The following CDR2 variants were observed in gnomAD, a reference collection of about 807,000 sequenced individuals.
CDR2 encodes the protein cerebellar degeneration related protein 2, also known as cerebellar degeneration-related protein 2.
In CDR2, 34 loss-of-function variants were observed where a neutral mutation model predicts 48.4. The ratio of observed to expected loss-of-function variants is 0.70; its 90% CI spans 0.53 to 0.94. The LOEUF is 0.94. Among genes scored for constraint, CDR2 ranks in the 40% least tolerant of loss-of-function variants. CDR2 has a pLI of 0.00. For synonymous variants in CDR2, 240 were observed against 219.7 expected (o/e 1.09, Z -0.82); for missense variants, 498 against 549.5 (o/e 0.91, Z 0.94).
rs1397509407 is a variant in CDR2, at chr16:22,347,151, G to T, written c.1179C>A (p.Asn393Lys). 4 of 1,614,174 alleles carry T rather than the reference G, an allele frequency of 2.5e-6. No individual in the cohort carries two copies. The highest frequency in any genetic ancestry group is 1.7e-5 in the Admixed American group (1 of 60,032). Residue 393 changes from asparagine to lysine, a missense_variant, in exon 5 of 5, where the codon AAC becomes AAA. Transcript: ENST00000268383. ...RAAAKDLTGV[N>K]AQSEPVASGW... ...CGCTGGCAACAGGCTCAGACTGGGC[G>T]TTCACTCCAGTCAGGTCCTTGGCTG...
At position 22,347,038 on chromosome 16, in the gene CDR2, C is replaced by G. The variant is rs1250563028; in HGVS notation, c.1292G>C (p.Ser431Thr). 4 of 1,614,186 alleles carry G rather than the reference C, an allele frequency of 2.5e-6. No homozygotes were observed. In the East Asian group the frequency reaches 8.9e-5, roughly 36 times the overall value. ...EYKALFKEIF[S>T]CIKKTKQEID... ...TTCCTGCTTAGTTTTCTTGATGCAA[C>G]TAAAGATCTCCTTAAACAACGCTTT... The change falls in exon 5 of 5, where the codon AGT becomes ACT. Residue 431 changes from serine (S) to threonine (T), a missense_variant. Ser to Thr is a moderately conservative substitution (Grantham distance 58). Coordinates refer to ENST00000268383, the MANE Select transcript of CDR2 (RefSeq NM_001802.2).
intron 2 of CDR2, among the ~76,000 whole-genome samples, chr16:22,354,443 G>GGTTA (rs1342217410): frequency 6.6e-6 from 1 of 152,126 alleles, no homozygotes; most frequent in Non-Finnish European, 1.5e-5. Flanking sequence ...TCATCATAAC[G>GGTTA]CTTCACTTTG....
At chr16:22,366,934 CTAAAGGA>C (rs2049048075) in intron 1 of CDR2, 1 of 152,204 alleles carries the variant, frequency 6.6e-6, no homozygotes, top group East Asian at 1.9e-4. Flanking sequence ...GAAAGTAAAG[CTAAAGGA>C]TTTGTTGACC....
chr16:22,347,700 G>A lies in CDR2; in HGVS notation c.630C>T (p.Ser210=), dbSNP rs1567343157. ...KTVTMLQAQL[S]LERQKRVTME... Reference sequence around the variant, plus strand: ...TAGTCACCCGCTTCTGCCGCTCCAGGCTCAGCTGGGCCTGCAACATTGTCA... The same window carrying A: ...TAGTCACCCGCTTCTGCCGCTCCAGACTCAGCTGGGCCTGCAACATTGTCA... Residue 210 remains serine (S), a synonymous_variant, in exon 5 of 5, where the codon AGC becomes AGT. Transcript: ENST00000268383. 6.2e-7 allele frequency: 1 copy of A among 1,613,644 alleles called. No homozygotes were observed. Among genetic ancestry groups the A allele is most frequent in the Admixed American group, 1.7e-5 (1 of 59,860 alleles).
At position 22,374,578 on chromosome 16, in the gene CDR2, A is replaced by C. The variant is rs2049106517; in HGVS notation, c.-269T>G. 5.5e-6 allele frequency: 1 copy of C among 181,124 alleles called. No individual in the cohort carries two copies. Among genetic ancestry groups the C allele is most frequent in the Non-Finnish European group, 1.1e-5 (1 of 87,736 alleles). The allele number at this position is 181,124 out of a possible 1,614,324, so 11.2% of individuals were successfully genotyped here. ...GGAGCCGGAGTCTCACGCAGCCGCC[A>C]GTCTTCACGCCGCCGCCGGGCCCAA... On this transcript the variant is annotated 5_prime_UTR_variant, in exon 1 of 5. Coordinates refer to ENST00000268383, the MANE Select transcript of CDR2 (RefSeq NM_001802.2).
At chr16:22,355,086 C>CTCA (rs1462140526) in intron 2 of CDR2, among the ~76,000 whole-genome samples, 1 of 152,194 alleles carries the variant, frequency 6.6e-6, no homozygotes, top group Non-Finnish European at 1.5e-5. Context: ...TCCAAGGCAT[C>CTCA]TCAAGTATAC....
At chr16:22,369,255 G>A (rs2049061109) in intron 1 of CDR2, among the ~76,000 whole-genome samples, 2 of 150,240 alleles carry the variant, frequency 1.3e-5, no homozygotes, top group Non-Finnish European at 1.5e-5. Flanking sequence ...AGACCAGCAT[G>A]GGCAACATAG....
chr16:22,371,148 T>C (rs1041041618), intron 1 of CDR2, among the ~76,000 whole-genome samples: 39 of 151,864 alleles, frequency 2.6e-4, no homozygotes, highest in South Asian at 6.2e-4. Flanking sequence ...GAGGCGGAGA[T>C]TGCAGTGAGC....
intron 2 of CDR2, among the ~76,000 whole-genome samples, chr16:22,357,748 A>G (rs2048984800): frequency 1.3e-5 from 2 of 152,236 alleles, no homozygotes; most frequent in South Asian, 4.1e-4. Context: ...GTTGTGGCCA[A>G]CATACAGGAA....
At chr16:22,365,480 A>G (rs2049039253) in intron 1 of CDR2, among the ~76,000 whole-genome samples, 1 of 152,222 alleles carries the variant, frequency 6.6e-6, no homozygotes, top group African/African-American at 2.4e-5. Context: ...TAAGGGGACT[A>G]AAATTTATTA....
At chr16:22,352,211 C>T (rs1476729166) in intron 2 of CDR2, among the ~76,000 whole-genome samples, 1 of 152,170 alleles carries the variant, frequency 6.6e-6, no homozygotes, top group Non-Finnish European at 1.5e-5. Context: ...GAGATCGTGC[C>T]ACTGCACTAC....
intron 2 of CDR2, among the ~76,000 whole-genome samples, chr16:22,358,005 C>T (rs1213723353): frequency 1.3e-5 from 2 of 152,198 alleles, no homozygotes; most frequent in Non-Finnish European, 2.9e-5. Flanking sequence ...AAGCCCTTCA[C>T]TTCTCCAAGA....
In CDR2 at chr16:22,349,437, A is replaced by G; in HGVS notation, c.348T>C (p.Thr116=). The stretch of plus-strand genomic sequence containing the variant: ...TGGTTTGCAGGCATTCAATCGTTTC[A>G]GTCAGGCTGTGAGGAACAGACAGAA... ...KASQQKILSL[T]ETIECLQTNI... is the part of the protein sequence containing the mutation. Residue 116 remains threonine (T), a synonymous_variant, in exon 4 of 5, where the codon ACT becomes ACC. Transcript: ENST00000268383. 6.2e-7 allele frequency: 1 copy of G among 1,614,168 alleles called. No individual in the cohort carries two copies.
At chr16:22,361,393 C>CA (rs2049009689) in intron 2 of CDR2, among the ~76,000 whole-genome samples, 1 of 152,152 alleles carries the variant, frequency 6.6e-6, no homozygotes, top group Admixed American at 6.5e-5. Flanking sequence ...CTGAAGGTTG[C>CA]AATAAGAGGA....
At chr16:22,356,152 A>G (rs902269728) in intron 2 of CDR2, among the ~76,000 whole-genome samples, 4 of 152,154 alleles carry the variant, frequency 2.6e-5, no homozygotes, top group Admixed American at 6.5e-5. Flanking sequence ...ACTTTTTTCA[A>G]TATTTGACAG....
chr16:22,346,839 A>T lies in CDR2; in HGVS notation c.*126T>A. On this transcript the variant is annotated 3_prime_UTR_variant, in exon 5 of 5. Transcript: ENST00000268383. Reference sequence around the variant, plus strand: ...CCTTTCCTCGTTGTATGCATTTGCTAAATAAGCAAAGCAATGAGGCAAACG... The same window carrying T: ...CCTTTCCTCGTTGTATGCATTTGCTTAATAAGCAAAGCAATGAGGCAAACG... 1 of 1,048,516 alleles carries T rather than the reference A, an allele frequency of 9.5e-7. No homozygotes were observed. Among genetic ancestry groups the T allele is most frequent in the Middle Eastern group, 3.2e-4 (1 of 3,148 alleles). The allele number at this position is 1,048,516 out of a possible 1,614,324, so 65.0% of individuals were successfully genotyped here.
rs1598289623 is a variant in CDR2 at position 22,347,674 on chromosome 16, A to G, written c.656T>C (p.Met219Thr). ...TAACACGAGCCCATATTCCTCCTCCATAGTCACCCGCTTCTGCCGCTCCAG... is the reference window on the plus strand; with the variant it reads ...TAACACGAGCCCATATTCCTCCTCCGTAGTCACCCGCTTCTGCCGCTCCAG... ...LSLERQKRVT[M>T]EEEYGLVLKE... is the part of the protein sequence containing the mutation. Residue 219 changes from methionine to threonine, a missense_variant, in exon 5 of 5, where the codon ATG (methionine) becomes ACG (threonine). Coordinates refer to ENST00000268383, the MANE Select transcript of CDR2 (RefSeq NM_001802.2). The G allele has an allele frequency of 3.1e-6, 5 of 1,613,838 alleles. No individual in the cohort carries two copies. The South Asian group carries it at 4.4e-5, about 14-fold the overall frequency.
At chr16:22,348,976 TTC>T (rs1418769925) in intron 4 of CDR2, among the ~76,000 whole-genome samples, 14 of 152,326 alleles carry the variant, frequency 9.2e-5, no homozygotes, top group African/African-American at 2.6e-4. Context: ...TTACCAGTAT[TTC>T]TGTTTTTCTT....
intron 2 of CDR2, among the ~76,000 whole-genome samples, chr16:22,359,767 T>C (rs2048999727): frequency 1.3e-5 from 2 of 152,122 alleles, no homozygotes; most frequent in Non-Finnish European, 2.9e-5. Context: ...TCTCCAGAGG[T>C]GGAAACCCAA....
Sources: gnomAD v4.1 joint callset for allele counts (sites outside exome capture counted in the v4.1 genomes callset) on GRCh38, gnomAD v4.1.1 for gene constraint, MANE v1.5 for transcripts, NCBI Gene and HGNC (gene_info 2026-07-23, HGNC 2026-07-21) for gene names.